The following POGZ variants were observed in gnomAD, a reference collection of about 807,000 sequenced individuals.
POGZ encodes the protein pogo transposable element derived with ZNF domain.
Under a neutral mutation model 134.6 loss-of-function variants are expected in POGZ, and 17 were observed. The observed-to-expected ratio is 0.13, with a 90% confidence interval of 0.09 to 0.19. The LOEUF (loss-of-function observed/expected upper bound fraction) is 0.19. Among genes scored for constraint, POGZ ranks in the 10% least tolerant of loss-of-function variants. The pLI, the probability that POGZ is intolerant of heterozygous loss-of-function variation, is 1.00. For missense variants in POGZ, 1,306 were observed against 1,769.7 expected (o/e 0.74, Z 4.70); for synonymous variants, 693 against 657.1 (o/e 1.05, Z -0.84).
chr1:151,416,328 G>T (rs1020340255), intron 10 of POGZ, among the ~76,000 whole-genome samples: 1 of 150,608 alleles, frequency 6.6e-6, no homozygotes, highest in South Asian at 2.1e-4. Flanking sequence ...AGGCCAAAGC[G>T]GGTGGCTCAC....
intron 15 of POGZ, 24 bp from the exon 16 acceptor site, chr1:151,407,315 T>A (rs746520586): frequency 6.4e-7 from 1 of 1,564,818 alleles, no homozygotes; most frequent in South Asian, 1.2e-5. Flanking sequence ...AGAAGTGGTA[T>A]GAGTTACGGA....
chr1:151,408,029 A>AAG (rs1653988370), intron 15 of POGZ, 71 bp downstream of exon 15: 1 of 269,538 alleles, frequency 3.7e-6, no homozygotes, highest in Non-Finnish European at 5.2e-6. Flanking sequence ...AAAAAAAAAA[A>AAG]AAGAAGAAGA....
intron 1 of POGZ, among the ~76,000 whole-genome samples, chr1:151,456,355 T>G (rs910584306): frequency 6.6e-6 from 1 of 152,222 alleles, no homozygotes; most frequent in Non-Finnish European, 1.5e-5. Context: ...AAAATTCTAA[T>G]TTTCACCCAA....
chr1:151,441,122 G>A, intron 2 of POGZ, 36 bp from the exon 3 acceptor site: 1 of 1,580,722 alleles, frequency 6.3e-7, no homozygotes, highest in Non-Finnish European at 8.7e-7. Flanking sequence ...CTTGGAGACA[G>A]GGACAGATGA....
At chr1:151,412,266 G>A (rs765327741) in intron 11 of POGZ, 30 bp downstream of exon 11, 6 of 1,242,146 alleles carry the variant, frequency 4.8e-6, no homozygotes, top group Non-Finnish European at 7.1e-6. Flanking sequence ...GGGCAAAACT[G>A]CTAAAACTCC....
intron 11 of POGZ, among the ~76,000 whole-genome samples, 191 bp from the exon 12 acceptor site, chr1:151,411,962 A>C (rs2102191157): frequency 6.6e-6 from 1 of 152,356 alleles, no homozygotes; most frequent in East Asian, 1.9e-4. Flanking sequence ...TACTTTAAAA[A>C]TAGGAAGGGA....
At chr1:151,414,987 A>C (rs1241656388) in intron 10 of POGZ, among the ~76,000 whole-genome samples, 1 of 152,032 alleles carries the variant, frequency 6.6e-6, no homozygotes, top group Admixed American at 6.6e-5. Context: ...GAGCACCATC[A>C]CCCTCCTTAA....
chr1:151,419,692 A>AAAAC lies in POGZ; in HGVS notation c.1678+3701_1678+3704dup, dbSNP rs1553221705. 2.9e-4 allele frequency among the ~76,000 whole-genome samples: 43 copies of AAAAC among 149,646 alleles called. 1 individual carries two copies. The highest frequency in any genetic ancestry group is 1.0e-3 in the African/African-American group (41 of 40,432). ...TCAAAAAAAAAAAAAAAAAAAAAAA[A>AAAAC]AAACTACTTTCATGCCAGATCTGTC... On this transcript the variant is annotated intron_variant, in intron 10 of 18. Transcript: ENST00000271715.
Position 151,430,850 on chromosome 1 carries a change from T to C in POGZ, c.284-9A>G. On this transcript the variant is annotated splice_polypyrimidine_tract_variant and intron_variant, in intron 3 of 18. Coordinates refer to ENST00000271715, the MANE Select transcript of POGZ (RefSeq NM_015100.4). ...GACCAAAGGATTGCCAGCTAAAGGG[T>C]AAAGGAAGAAAAAAAAAAAGGAATG... 1 of 1,533,020 alleles carries C rather than the reference T, an allele frequency of 6.5e-7. No homozygotes were observed. Among genetic ancestry groups the C allele is most frequent in the African/African-American group, 1.5e-5 (1 of 68,450 alleles). 95.0% of individuals were successfully genotyped at this position (1,533,020 alleles called of 1,614,324 possible).
intron 2 of POGZ, among the ~76,000 whole-genome samples, chr1:151,441,872 G>A (rs187336252): frequency 5.7e-4 from 87 of 152,158 alleles, no homozygotes; most frequent in Admixed American, 9.8e-4. Context: ...CAATGTTTTC[G>A]ATGAATTAAA....
intron 1 of POGZ, among the ~76,000 whole-genome samples, chr1:151,458,611 C>T (rs1236302477): frequency 1.4e-5 from 2 of 147,712 alleles, no homozygotes; most frequent in Non-Finnish European, 3.0e-5. Flanking sequence ...TCCGCCGCCG[C>T]CCGCCCCTCC....
chr1:151,443,178 T>C (rs754140994), intron 1 of POGZ, among the ~76,000 whole-genome samples: 1 of 152,226 alleles, frequency 6.6e-6, no homozygotes, highest in Non-Finnish European at 1.5e-5. Context: ...TGCATTAATA[T>C]TGATCTTTTA....
chr1:151,457,338 GTTACA>G (rs1662895934), intron 1 of POGZ, among the ~76,000 whole-genome samples: 1 of 152,158 alleles, frequency 6.6e-6, no homozygotes, highest in Admixed American at 6.5e-5. Flanking sequence ...CAATGTAGTG[GTTACA>G]TTAATCAGTC....
At position 151,438,261 on chromosome 1, in the gene POGZ, G is replaced by A. The variant is rs75365741; in HGVS notation, c.283+2667C>T. ...AGAGTATCTGATGAAAAAAGTTACAGAACTGTATGTATTTTTTATATAGAT... is the reference window on the plus strand; with the variant it reads ...AGAGTATCTGATGAAAAAAGTTACAAAACTGTATGTATTTTTTATATAGAT... On this transcript the variant is annotated intron_variant, in intron 3 of 18. Coordinates refer to ENST00000271715, the MANE Select transcript of POGZ (RefSeq NM_015100.4). Among the ~76,000 whole-genome samples, 1,499 of 151,924 alleles carry A rather than the reference G, an allele frequency of 9.9e-3. 30 individuals are homozygous for A. The highest frequency in any genetic ancestry group is 0.035 in the African/African-American group (1,442 of 41,462).
chr1:151,414,549 A>C (rs1406155854), intron 10 of POGZ, among the ~76,000 whole-genome samples: 2 of 152,222 alleles, frequency 1.3e-5, no homozygotes, highest in African/African-American at 4.8e-5. Flanking sequence ...TTGGGAGGCC[A>C]AGGCAGGCGG....
chr1:151,410,141 G>C (rs72996035), intron 12 of POGZ, among the ~76,000 whole-genome samples: 2,501 of 152,152 alleles, frequency 0.016, 84 homozygotes, highest in African/African-American at 0.057. Flanking sequence ...CTCTCCTCTA[G>C]TGGCTCTCTT....
rs75534696 is a variant in POGZ at position 151,430,601 on chromosome 1, A to T, written c.459+65T>A. On this transcript the variant is annotated intron_variant, in intron 4 of 18. Transcript: ENST00000271715. ...CTAATGACGCCAAAGACCCTAAGTC[A>T]GAGTTTTCAGAGGTTTATAGTCTTT... 3.9e-6 allele frequency: 5 copies of T among 1,279,676 alleles called. No homozygotes were observed. In the East Asian group the frequency reaches 1.0e-4, roughly 26 times the overall value. The allele number at this position is 1,279,676 out of a possible 1,614,324, so 79.3% of individuals were successfully genotyped here.
intron 2 of POGZ, 123 bp from the exon 3 acceptor site, chr1:151,441,209 A>C (rs541397620): frequency 1.2e-5 from 8 of 655,236 alleles, no homozygotes; most frequent in Non-Finnish European, 2.0e-5. Flanking sequence ...CCTGTTTCAT[A>C]AATCCAACTG....
chr1:151,428,485 T>C (rs1658142534), intron 5 of POGZ, 72 bp from the exon 6 acceptor site: 2 of 1,316,390 alleles, frequency 1.5e-6, no homozygotes, highest in Non-Finnish European at 2.2e-6. Flanking sequence ...CTGCCTTTAC[T>C]GGAAAGATTA....
Sources: allele counts gnomAD v4.1 joint callset (sites outside exome capture counted in the v4.1 genomes callset), GRCh38; gene constraint gnomAD v4.1.1; transcripts MANE v1.5; gene names NCBI Gene and HGNC (gene_info 2026-07-23, HGNC 2026-07-21).